Variants in PDE4B observed in about 807,000 individuals in gnomAD.
PDE4B encodes the protein phosphodiesterase 4B, also known as 3',5'-cyclic-AMP phosphodiesterase 4B.
In PDE4B, 20 loss-of-function variants were observed where a neutral mutation model predicts 82.2. The ratio of observed to expected loss-of-function variants is 0.24; its 90% confidence interval spans 0.17 to 0.35. The LOEUF is 0.35. Ranked by LOEUF, PDE4B falls within the 10% of genes least tolerant of loss-of-function variation. PDE4B has a pLI of 1.00. For missense variants in PDE4B, 655 were observed against 907.2 expected (o/e 0.72, Z 3.57); for synonymous variants, 320 against 318.9 (o/e 1.00, Z -0.04).
At chr1:65,866,992 A>G (rs1326578791) in intron 1 of PDE4B, among the ~76,000 whole-genome samples, 1 of 152,204 alleles carries the variant, frequency 6.6e-6, no homozygotes, top group Non-Finnish European at 1.5e-5. Flanking sequence ...TTAACAAAGA[A>G]TTTCTAACTT....
Position 65,927,433 on chromosome 1 carries a change from T to C in PDE4B, c.281+8598T>C, listed in dbSNP as rs1048486711. Among the ~76,000 whole-genome samples, 17 of 142,498 alleles carry C rather than the reference T, an allele frequency of 1.2e-4. 1 individual carries two copies. The highest frequency in any genetic ancestry group is 3.8e-4 in the African/African-American group (15 of 39,434). The allele number at this position is 142,498 out of a possible 152,430, so 93.5% of individuals were successfully genotyped here. On this transcript the variant is annotated intron_variant, in intron 3 of 16. Transcript: ENST00000341517. ...AAATATAAATATGTATTATATATAA[T>C]ATATGTAAATATATATAATATGTAT...
At chr1:66,040,779 A>G (rs551334195) in intron 3 of PDE4B, among the ~76,000 whole-genome samples, 1 of 152,078 alleles carries the variant, frequency 6.6e-6, no homozygotes, top group African/African-American at 2.4e-5. Context: ...GCAATTTGGT[A>G]TCAGGTTTAG....
intron 3 of PDE4B, among the ~76,000 whole-genome samples, chr1:66,122,703 CT>C (rs3036785): frequency 0.33 from 36,490 of 111,446 alleles, 4,715 homozygotes; most frequent in Admixed American, 0.41. Flanking sequence ...CTCTTCTTTT[CT>C]TTTTTTTTTT....
intron 3 of PDE4B, among the ~76,000 whole-genome samples, chr1:66,106,692 T>A (rs1645366224): frequency 6.6e-6 from 1 of 152,156 alleles, no homozygotes; most frequent in Non-Finnish European, 1.5e-5. Flanking sequence ...GAGAAATTTA[T>A]CCATTTCTTC....
intron 3 of PDE4B, among the ~76,000 whole-genome samples, chr1:66,154,602 G>T (rs1646465968): frequency 6.6e-6 from 1 of 152,192 alleles, no homozygotes; most frequent in Non-Finnish European, 1.5e-5. Flanking sequence ...TGCAATACAT[G>T]ATCTGAAGTA....
chr1:66,126,706 A>G (rs1355294302), intron 3 of PDE4B, among the ~76,000 whole-genome samples: 2 of 152,220 alleles, frequency 1.3e-5, no homozygotes, highest in Non-Finnish European at 2.9e-5. Flanking sequence ...CCACCAGTGA[A>G]TGATAAAATT....
chr1:66,058,798 T>C (rs1655437452), intron 3 of PDE4B, among the ~76,000 whole-genome samples: 1 of 152,078 alleles, frequency 6.6e-6, no homozygotes, highest in Non-Finnish European at 1.5e-5. Context: ...AGACCTCCAG[T>C]AAAGGAAGGG....
intron 3 of PDE4B, among the ~76,000 whole-genome samples, chr1:66,210,615 A>AAAAAG (rs1277647759): frequency 1.3e-5 from 2 of 148,486 alleles, no homozygotes; most frequent in African/African-American, 2.5e-5. Flanking sequence ...AAAAAAAAAA[A>AAAAAG]AAAAGAAAAA....
chr1:66,181,920 TA>T (rs1647071981), intron 3 of PDE4B, among the ~76,000 whole-genome samples: 2 of 151,978 alleles, frequency 1.3e-5, no homozygotes, highest in Admixed American at 6.6e-5. Context: ...TCCCTTCTTT[TA>T]AAAAAATAGA....
chr1:65,795,460 A>T (rs1240196195), intron 1 of PDE4B, among the ~76,000 whole-genome samples: 1 of 152,248 alleles, frequency 6.6e-6, no homozygotes, highest in Non-Finnish European at 1.5e-5. Flanking sequence ...TGTAGCCACC[A>T]TGTGGTAATA....
At position 66,126,537 on chromosome 1, in the gene PDE4B, G is replaced by A. The variant is rs192791806; in HGVS notation, c.282-120923G>A. The stretch of plus-strand genomic sequence containing the variant: ...TGTTTCAGAAAACCTAGAACAAAAA[G>A]TAAAATGATAATTTATTTTCAAACC... On this transcript the variant is annotated intron_variant, in intron 3 of 16. Transcript: ENST00000341517. Among the ~76,000 whole-genome samples the A allele has an allele frequency of 1.3e-3, 198 of 152,236 alleles. 1 individual carries two copies. Among genetic ancestry groups the A allele is most frequent in the Middle Eastern group, 3.4e-3 (1 of 294 alleles).
intron 1 of PDE4B, among the ~76,000 whole-genome samples, chr1:65,883,240 T>C (rs960294226): frequency 2.0e-5 from 3 of 152,144 alleles, no homozygotes; most frequent in South Asian, 4.1e-4. Context: ...TATAAATTAC[T>C]TTGGGCAGTA....
At chr1:65,974,453 C>T (rs1375238887) in intron 3 of PDE4B, among the ~76,000 whole-genome samples, 2 of 152,178 alleles carry the variant, frequency 1.3e-5, no homozygotes, top group African/African-American at 4.8e-5. Context: ...GTTGATCACT[C>T]TACAATGCTT....
intron 6 of PDE4B, among the ~76,000 whole-genome samples, chr1:66,258,600 A>G (rs1450436690): frequency 6.6e-6 from 1 of 152,190 alleles, no homozygotes; most frequent in Non-Finnish European, 1.5e-5. Flanking sequence ...CTTTGAGACC[A>G]TTGATTCTCT....
chr1:66,371,928 C>T (rs2050797308), intron 16 of PDE4B, among the ~76,000 whole-genome samples: 1 of 152,194 alleles, frequency 6.6e-6, no homozygotes, highest in Non-Finnish European at 1.5e-5. Flanking sequence ...TCCATCCAGA[C>T]TTCTTATCTG....
intron 1 of PDE4B, among the ~76,000 whole-genome samples, chr1:65,849,617 G>T (rs2101382694): frequency 6.6e-6 from 1 of 152,214 alleles, no homozygotes; most frequent in East Asian, 1.9e-4. Context: ...CCTGCCAGTG[G>T]CACTCCACTG....
intron 1 of PDE4B, among the ~76,000 whole-genome samples, chr1:65,846,196 T>A (rs1317416175): frequency 6.6e-6 from 1 of 152,156 alleles, no homozygotes; most frequent in African/African-American, 2.4e-5. Flanking sequence ...CCAGTCTCTA[T>A]CAATGGGTCT....
At chr1:65,914,076 A>T (rs1223537585) in intron 2 of PDE4B, among the ~76,000 whole-genome samples, 1 of 152,154 alleles carries the variant, frequency 6.6e-6, no homozygotes, top group African/African-American at 2.4e-5. Context: ...ATCTTTACCC[A>T]ATTACTGTTT....
intron 1 of PDE4B, among the ~76,000 whole-genome samples, chr1:65,847,999 AG>A (rs1253827582): frequency 2.6e-5 from 4 of 152,090 alleles, no homozygotes; most frequent in Non-Finnish European, 4.4e-5. Flanking sequence ...AAGTTGAGCA[AG>A]CTCAGCAAGA....
Sources: gnomAD v4.1 joint callset for allele counts (sites outside exome capture counted in the v4.1 genomes callset) on GRCh38, gnomAD v4.1.1 for gene constraint, MANE v1.5 for transcripts, NCBI Gene and HGNC (gene_info 2026-07-23, HGNC 2026-07-21) for gene names.